MSI2: variants seen among roughly 807,000 people sequenced by gnomAD.
MSI2 encodes the protein musashi RNA binding protein 2, also known as RNA-binding protein Musashi homolog 2.
In MSI2, 17 loss-of-function variants were observed where a neutral mutation model predicts 45.6. That is an observed-to-expected ratio of 0.37 (90% CI 0.26 to 0.56). The LOEUF is 0.56. MSI2 is among the 20% of genes least tolerant of loss of function. The pLI is 0.77. For synonymous variants in MSI2, 156 were observed against 158.2 expected, an observed-to-expected ratio of 0.99 and a Z score of 0.11; for missense variants, 293 against 444.2, an observed-to-expected ratio of 0.66 and a Z score of 3.06.
intron 6 of MSI2, among the ~76,000 whole-genome samples, chr17:57,413,439 A>C (rs1319802503): frequency 6.7e-6 from 1 of 150,368 alleles, no homozygotes; most frequent in Non-Finnish European, 1.5e-5. Context: ...GAACCGATGT[A>C]GGCCCAAAGA....
At chr17:57,391,980 C>T (rs959419238) in intron 5 of MSI2, among the ~76,000 whole-genome samples, 33 of 152,326 alleles carry the variant, frequency 2.2e-4, no homozygotes, top group South Asian at 4.1e-4. Flanking sequence ...TCTGAATCAC[C>T]GTGTGGTGAG....
At chr17:57,537,739 C>T (rs572319576) in intron 7 of MSI2, among the ~76,000 whole-genome samples, 1 of 152,306 alleles carries the variant, frequency 6.6e-6, no homozygotes, top group African/African-American at 2.4e-5. Context: ...TTTCTGTTCA[C>T]CTGCTCTTCT....
chr17:57,512,571 C>T lies in MSI2; in HGVS notation c.406-17105C>T, dbSNP rs911453219. Among the ~76,000 whole-genome samples the T allele has an allele frequency of 2.0e-5, 3 of 152,122 alleles. No homozygotes were observed. The East Asian group carries it at 5.8e-4, about 29-fold the overall frequency. On this transcript the variant is annotated intron_variant, in intron 6 of 13. Coordinates refer to ENST00000284073, the MANE Select transcript of MSI2 (RefSeq NM_138962.4). ...TCCTCGTTGAACAGAACTCAGAGGC[C>T]GCAGAGTCTTAGTTAAGACTTGGCT...
At chr17:57,678,156 C>G (rs1567974033) in intron 13 of MSI2, among the ~76,000 whole-genome samples, 1 of 152,182 alleles carries the variant, frequency 6.6e-6, no homozygotes, top group Non-Finnish European at 1.5e-5. Flanking sequence ...GCTCCTGGCT[C>G]CTGAGTCGGA....
At chr17:57,273,581 A>C (rs1257552647) in intron 5 of MSI2, among the ~76,000 whole-genome samples, 1 of 151,806 alleles carries the variant, frequency 6.6e-6, no homozygotes, top group Non-Finnish European at 1.5e-5. Flanking sequence ...ACTTGCTGAA[A>C]GAATTCAATT....
chr17:57,671,583 T>C (rs915930971), intron 11 of MSI2: 5 of 152,280 alleles, frequency 3.3e-5, no homozygotes, highest in African/African-American at 7.2e-5. Flanking sequence ...AGGTGAGAGA[T>C]TTGGCTTCAT....
intron 6 of MSI2, among the ~76,000 whole-genome samples, chr17:57,409,306 G>A (rs1308674057): frequency 6.6e-6 from 1 of 152,124 alleles, no homozygotes; most frequent in Non-Finnish European, 1.5e-5. Context: ...AAGTTGACCT[G>A]GGTGTACTTG....
At chr17:57,458,497 A>G (rs1381935157) in intron 6 of MSI2, among the ~76,000 whole-genome samples, 1 of 152,232 alleles carries the variant, frequency 6.6e-6, no homozygotes, top group Non-Finnish European at 1.5e-5. Context: ...TCAGAAGGAA[A>G]GAACTCTGGG....
chr17:57,424,381 A>G (rs1391583357), intron 6 of MSI2, among the ~76,000 whole-genome samples: 2 of 152,186 alleles, frequency 1.3e-5, no homozygotes, highest in Admixed American at 6.5e-5. Flanking sequence ...TGTTTCCTAA[A>G]TGGGAGATGA....
chr17:57,326,213 T>C (rs1323725793), intron 5 of MSI2, among the ~76,000 whole-genome samples: 2 of 152,196 alleles, frequency 1.3e-5, no homozygotes, highest in African/African-American at 4.8e-5. Flanking sequence ...AACTTTTTTT[T>C]TTTGTAATTC....
At chr17:57,600,284 C>T (rs1490728890) in intron 8 of MSI2, among the ~76,000 whole-genome samples, 1 of 152,228 alleles carries the variant, frequency 6.6e-6, no homozygotes, top group Admixed American at 6.5e-5. Context: ...CGCAATCTTT[C>T]TGGGTATTTG....
chr17:57,379,824 CTTCCAGGGGTTTCCAG>C (rs1307785917), intron 5 of MSI2, among the ~76,000 whole-genome samples: 1 of 152,212 alleles, frequency 6.6e-6, no homozygotes. Flanking sequence ...AGGCAGTGCT[CTTCCAGGGGTTTCCAG>C]AGTTTTCTTT....
chr17:57,521,669 C>T (rs2086587924), intron 6 of MSI2, among the ~76,000 whole-genome samples: 1 of 152,156 alleles, frequency 6.6e-6, no homozygotes, highest in Non-Finnish European at 1.5e-5. Flanking sequence ...CACACATATG[C>T]TGTGTTACGG....
intron 11 of MSI2, among the ~76,000 whole-genome samples, chr17:57,656,858 C>G (rs1349835991): frequency 2.0e-5 from 3 of 152,208 alleles, no homozygotes; most frequent in Non-Finnish European, 2.9e-5. Context: ...TTTGGACATG[C>G]CATCTTCCCT....
intron 11 of MSI2, among the ~76,000 whole-genome samples, chr17:57,672,930 C>A (rs1912918551): frequency 6.6e-6 from 1 of 152,164 alleles, no homozygotes; most frequent in Non-Finnish European, 1.5e-5. Context: ...CTTTTTTCTG[C>A]CAGCGCATTC....
intron 9 of MSI2, among the ~76,000 whole-genome samples, chr17:57,621,902 ACT>A (rs1271755538): frequency 2.0e-5 from 3 of 151,910 alleles, no homozygotes; most frequent in Non-Finnish European, 4.4e-5. Context: ...GTCACCTAAG[ACT>A]CTTAGGAAAG....
chr17:57,526,385 G>A (rs929221516), intron 6 of MSI2, among the ~76,000 whole-genome samples: 3 of 92,426 alleles, frequency 3.2e-5, no homozygotes, highest in African/African-American at 1.2e-4. Flanking sequence ...GTGTGTGTGT[G>A]TGTGTGTGTG....
chr17:57,488,282 G>A (rs573682266), intron 6 of MSI2, among the ~76,000 whole-genome samples: 80 of 152,272 alleles, frequency 5.3e-4, no homozygotes, highest in Admixed American at 5.0e-3. Flanking sequence ...CTAAACATCC[G>A]CCTCCTTGCA....
At chr17:57,625,660 TGTCATAAGTCCACTCATCAA>T (rs1468285919) in intron 9 of MSI2, 6 of 152,274 alleles carry the variant, frequency 3.9e-5, no homozygotes, top group Non-Finnish European at 5.9e-5. Context: ...GCCTGGAGGC[TGTCATAAGTCCACTCATCAA>T]AGTAATTGTT....
Sources: allele counts gnomAD v4.1 joint callset (sites outside exome capture counted in the v4.1 genomes callset), GRCh38; gene constraint gnomAD v4.1.1; transcripts MANE v1.5; gene names NCBI Gene and HGNC (gene_info 2026-07-23, HGNC 2026-07-21).